PLCB1: variants seen among roughly 807,000 people sequenced by gnomAD.
PLCB1 encodes 1-phosphatidylinositol 4,5-bisphosphate phosphodiesterase beta-1.
A neutral mutation model predicts 161.8 loss-of-function variants in PLCB1; 46 were observed. That is an observed-to-expected ratio of 0.28 (90% CI 0.22 to 0.36). The LOEUF (loss-of-function observed/expected upper bound fraction) is 0.36. PLCB1 is among the 10% of genes least tolerant of loss of function. The pLI is 1.00. For missense variants in PLCB1, 1,016 were observed against 1,472.5 expected, an observed-to-expected ratio of 0.69 and a Z score of 5.07; for synonymous variants, 517 against 503.7, an observed-to-expected ratio of 1.03 and a Z score of -0.35.
intron 2 of PLCB1, among the ~76,000 whole-genome samples, chr20:8,355,813 T>C (rs781166126): frequency 2.6e-5 from 4 of 152,174 alleles, no homozygotes; most frequent in Admixed American, 2.0e-4. Flanking sequence ...AACCCTCAGC[T>C]TTTTTGCACC....
At chr20:8,806,826 G>A (rs1997754) in intron 31 of PLCB1, among the ~76,000 whole-genome samples, 15,207 of 152,130 alleles carry the variant, frequency 0.1, 2,177 homozygotes, top group African/African-American at 0.32. Context: ...CTAGAGAAAC[G>A]TCTCCGTTTA....
chr20:8,799,865 A>G (rs967281076), intron 31 of PLCB1, among the ~76,000 whole-genome samples: 1 of 152,198 alleles, frequency 6.6e-6, no homozygotes, highest in Non-Finnish European at 1.5e-5. Context: ...AATACCTACT[A>G]CAATGTAAGT....
intron 5 of PLCB1, among the ~76,000 whole-genome samples, chr20:8,647,581 A>G (rs978671140): frequency 6.6e-6 from 1 of 152,220 alleles, no homozygotes; most frequent in African/African-American, 2.4e-5. Context: ...TCTCAGAAAC[A>G]TGCTATTGAG....
At position 8,628,366 on chromosome 20, in the gene PLCB1, T is replaced by C. The variant is rs759519379; in HGVS notation, c.319T>C (p.Tyr107His). 19 of 1,613,956 alleles carry C rather than the reference T, an allele frequency of 1.2e-5. No homozygotes were observed. Among genetic ancestry groups the C allele is most frequent in the Non-Finnish European group, 1.5e-5 (18 of 1,179,982 alleles). The change falls in exon 4 of 32, where the codon TAT (tyrosine) becomes CAT (histidine). Residue 107 changes from tyrosine (Y) to histidine (H), a missense_variant. Tyr to His is a moderately conservative substitution (Grantham distance 83, BLOSUM62 2). Coordinates refer to ENST00000338037, the MANE Select transcript of PLCB1 (RefSeq NM_015192.4). ...RLEQRMITVV[Y>H]GPDLVNISHL... is the part of the protein sequence containing the mutation. The stretch of plus-strand genomic sequence containing the variant: ...GGAGCAGCGCATGATCACAGTGGTG[T>C]ATGGGCCTGACCTCGTGAACATCTC...
intron 31 of PLCB1, among the ~76,000 whole-genome samples, chr20:8,794,429 C>T (rs765764459): frequency 2.0e-5 from 3 of 152,288 alleles, no homozygotes; most frequent in South Asian, 2.1e-4. Flanking sequence ...TGGCTTCAGC[C>T]GGTCCCTCCA....
chr20:8,292,508 G>A (rs937747235), intron 2 of PLCB1, among the ~76,000 whole-genome samples: 9 of 152,018 alleles, frequency 5.9e-5, no homozygotes, highest in East Asian at 1.9e-4. Flanking sequence ...TTTAAAATGG[G>A]TGCATAATCT....
At chr20:8,750,390 G>A (rs1228185165) in intron 23 of PLCB1, among the ~76,000 whole-genome samples, 1 of 152,156 alleles carries the variant, frequency 6.6e-6, no homozygotes. Context: ...AAAATTAGGA[G>A]TTTTGACATA....
Position 8,244,160 on chromosome 20 carries a change from G to C in PLCB1, c.177+93789G>C, listed in dbSNP as rs371913428. ...CGAGAACTCTAGTGCATTGCTGGTA[G>C]CAGTGTAAATTGGCTACTACCACTT... On this transcript the variant is annotated intron_variant, in intron 2 of 31. Transcript: ENST00000338037. 5.3e-5 allele frequency among the ~76,000 whole-genome samples: 8 copies of C among 152,036 alleles called. No homozygotes were observed. In the East Asian group the frequency reaches 1.2e-3, roughly 22 times the overall value.
intron 3 of PLCB1, among the ~76,000 whole-genome samples, chr20:8,402,827 A>G (rs1032649202): frequency 8.5e-5 from 13 of 152,158 alleles, no homozygotes; most frequent in Non-Finnish European, 1.5e-4. Context: ...CCTGGGCAAC[A>G]GAGCAAGACT....
At chr20:8,568,068 C>A (rs1986397393) in intron 3 of PLCB1, among the ~76,000 whole-genome samples, 1 of 152,090 alleles carries the variant, frequency 6.6e-6, no homozygotes, top group Non-Finnish European at 1.5e-5. Flanking sequence ...AGAAGAATTT[C>A]TTCTTGTATT....
chr20:8,827,414 T>A (rs1985759418), intron 31 of PLCB1, among the ~76,000 whole-genome samples: 1 of 152,174 alleles, frequency 6.6e-6, no homozygotes, highest in African/African-American at 2.4e-5. Context: ...GATTTAGGGG[T>A]CCATTTTAAT....
intron 11 of PLCB1, among the ~76,000 whole-genome samples, chr20:8,707,243 T>C (rs981442441): frequency 5.3e-5 from 8 of 152,162 alleles, no homozygotes; most frequent in Non-Finnish European, 8.8e-5. Flanking sequence ...ACTTATACTC[T>C]GGGGCCAGGG....
At chr20:8,852,963 T>C (rs978912064) in intron 31 of PLCB1, among the ~76,000 whole-genome samples, 6 of 152,172 alleles carry the variant, frequency 3.9e-5, no homozygotes, top group Non-Finnish European at 5.9e-5. Context: ...GCAGCCCCCA[T>C]ATCCATTGGG....
At chr20:8,297,940 C>T (rs1313923263) in intron 2 of PLCB1, among the ~76,000 whole-genome samples, 13 of 148,562 alleles carry the variant, frequency 8.8e-5, no homozygotes, top group African/African-American at 3.2e-4. Flanking sequence ...TTTGCAGGCT[C>T]ACATGCTTCT....
At chr20:8,276,926 T>TTCC (rs1982577108) in intron 2 of PLCB1, among the ~76,000 whole-genome samples, 1 of 104,772 alleles carries the variant, frequency 9.5e-6, no homozygotes, top group East Asian at 3.0e-4. Flanking sequence ...GTCTTCTTCT[T>TTCC]TTCTTCTTCT....
intron 27 of PLCB1, among the ~76,000 whole-genome samples, chr20:8,782,484 C>T (rs927392125): frequency 3.9e-5 from 6 of 152,152 alleles, no homozygotes; most frequent in Admixed American, 1.3e-4. Flanking sequence ...CCTCCATCTC[C>T]TGGGCTTTAG....
chr20:8,653,666 T>C (rs534834114), intron 7 of PLCB1: 21 of 152,154 alleles, frequency 1.4e-4, no homozygotes, highest in African/African-American at 3.6e-4. Flanking sequence ...CTGATTTTTT[T>C]CCGAAATTTA....
chr20:8,704,555 G>C (rs1978555212), intron 11 of PLCB1, among the ~76,000 whole-genome samples: 1 of 152,176 alleles, frequency 6.6e-6, no homozygotes, highest in Non-Finnish European at 1.5e-5. Context: ...CAAGTTTTAA[G>C]CTTTGCTTAA....
chr20:8,585,183 C>G (rs1248449310), intron 3 of PLCB1, among the ~76,000 whole-genome samples: 1 of 152,174 alleles, frequency 6.6e-6, no homozygotes, highest in Non-Finnish European at 1.5e-5. Context: ...AGTATTATAG[C>G]TCTAGGTCCA....
Sources: gnomAD v4.1 joint callset for allele counts (sites outside exome capture counted in the v4.1 genomes callset) on GRCh38, gnomAD v4.1.1 for gene constraint, MANE v1.5 for transcripts, NCBI Gene and HGNC (gene_info 2026-07-23, HGNC 2026-07-21) for gene names.